Variants in FERMT3 observed in about 807,000 individuals in gnomAD.
FERMT3 encodes the protein FERM domain containing kindlin 3.
Under a neutral mutation model 80.8 loss-of-function variants are expected in FERMT3, and 33 were observed. The observed-to-expected ratio is 0.41, with a 90% CI of 0.31 to 0.55. FERMT3 has a LOEUF of 0.55. Among genes scored for constraint, FERMT3 ranks in the 20% least tolerant of loss-of-function variants. The pLI, the probability that FERMT3 is intolerant of heterozygous loss-of-function variation, is 0.31. For missense variants in FERMT3, 754 were observed against 908.7 expected, an observed-to-expected ratio of 0.83 and a Z score of 2.19; for synonymous variants, 375 against 372.2, an observed-to-expected ratio of 1.01 and a Z score of -0.09.
At position 64,208,108 on chromosome 11, in the gene FERMT3, A is replaced by G. The variant is rs527240687; in HGVS notation, c.160+584A>G. Among the ~76,000 whole-genome samples the G allele has an allele frequency of 5.7e-5, 8 of 139,200 alleles. No homozygotes were observed. The South Asian group carries it at 1.8e-3, about 32-fold the overall frequency. 91.3% of individuals were successfully genotyped at this position (139,200 alleles called of 152,430 possible). A position where few individuals can be genotyped will look rare whatever the true frequency, so the allele number is the denominator to read the frequency against. ...ATAGGCAGAGCCGGAAGACAGGCCC[A>G]CCACAGTCCCGGCCAAGAGCCTGGG... On this transcript the variant is annotated intron_variant, in intron 2 of 14. Transcript: ENST00000345728.
chr11:64,210,977 G>T lies in FERMT3; in HGVS notation c.395-75G>T. ...CACCCTGCCTGCAGGGCTGTGACCC[G>T]CCCCAAGCACCCATGGGTGAGGTGG... is the stretch of plus-strand genomic sequence containing the variant. On this transcript the variant is annotated intron_variant, in intron 3 of 14. Transcript: ENST00000345728. This position sits in a 1 kb window ranked among gnomAD's most constrained non-coding sequence, Gnocchi z 4.3. 2 of 1,606,774 alleles carry T rather than the reference G, an allele frequency of 1.2e-6. No homozygotes were observed.
intron 6 of FERMT3, among the ~76,000 whole-genome samples, chr11:64,214,503 G>A (rs571964062): frequency 1.2e-4 from 18 of 151,182 alleles, no homozygotes; most frequent in Middle Eastern, 3.4e-3. Flanking sequence ...CCACCACCAC[G>A]CCTGGCTAAT....
chr11:64,206,938 G>C (rs1443831976), intron 1 of FERMT3, 124 bp downstream of exon 1: 1 of 165,976 alleles, frequency 6.0e-6, no homozygotes, highest in Non-Finnish European at 1.3e-5. Context: ...GGCTTTGGCT[G>C]GTTTGTGATG....
At position 64,219,300 on chromosome 11, in the gene FERMT3, T is replaced by A; in HGVS notation, c.836T>A (p.Leu279Gln). The part of the protein sequence containing the change: ...TQLYEQARWD[L>Q]LLEEIDCTEE... ...CTGTATGAGCAGGCCCGGTGGGACCTGCTGCTGGAGGAGATTGACTGCACC... is the reference window on the plus strand; with the variant it reads ...CTGTATGAGCAGGCCCGGTGGGACCAGCTGCTGGAGGAGATTGACTGCACC... Residue 279 changes from leucine to glutamine, a missense_variant, in exon 7 of 15, where the codon CTG (leucine) becomes CAG (glutamine). Coordinates refer to ENST00000345728, the MANE Select transcript of FERMT3 (RefSeq NM_031471.6). This position sits in a 1 kb window ranked among gnomAD's most constrained non-coding sequence, Gnocchi z 4.0. The A allele has an allele frequency of 1.2e-6, 2 of 1,609,532 alleles. No individual in the cohort carries two copies. The highest frequency in any genetic ancestry group is 1.7e-6 in the Non-Finnish European group (2 of 1,178,230).
chr11:64,207,389 G>C lies in FERMT3; in HGVS notation c.25G>C (p.Gly9Arg). 6.2e-7 allele frequency: 1 copy of C among 1,614,156 alleles called. No individual in the cohort carries two copies. Among genetic ancestry groups the C allele is most frequent in the Non-Finnish European group, 8.5e-7 (1 of 1,180,020 alleles). ...CATGGCGGGGATGAAGACAGCCTCCGGGGACTACATCGACTCGTCATGGGA... is the reference window on the plus strand; with the variant it reads ...CATGGCGGGGATGAAGACAGCCTCCCGGGACTACATCGACTCGTCATGGGA... MAGMKTAS[G>R]DYIDSSWELR... The change falls in exon 2 of 15, where the codon GGG (glycine) becomes CGG (arginine). Residue 9 changes from glycine to arginine, a missense_variant. Physicochemically the swap from Gly to Arg is moderately radical, Grantham distance 125 (BLOSUM62 -2). Transcript: ENST00000345728.
At position 64,219,863 on chromosome 11, in the gene FERMT3, C is replaced by G; in HGVS notation, c.1080-28C>G. 1 of 1,613,882 alleles carries G rather than the reference C, an allele frequency of 6.2e-7. No individual in the cohort carries two copies. The highest frequency in any genetic ancestry group is 1.7e-5 in the Admixed American group (1 of 60,014). ...ATATGGAGGGAGGGGGTGAGGCGGC[C>G]TTTCACAAACCCCAGCATCCCACGA... On this transcript the variant is annotated intron_variant, in intron 9 of 14. Coordinates refer to ENST00000345728, the MANE Select transcript of FERMT3 (RefSeq NM_031471.6). The surrounding 1 kb of genome is among the most constrained non-coding windows in gnomAD (Gnocchi z 4.0).
At chr11:64,218,880 C>G (rs1946609967) in intron 6 of FERMT3, among the ~76,000 whole-genome samples, 1 of 151,668 alleles carries the variant, frequency 6.6e-6, no homozygotes, top group Non-Finnish European at 1.5e-5. Context: ...CTTGGGGGGG[C>G]CTTAGACTGA....
chr11:64,212,333 C>T (rs536520505), intron 6 of FERMT3, among the ~76,000 whole-genome samples: 3 of 152,354 alleles, frequency 2.0e-5, no homozygotes, highest in African/African-American at 7.2e-5. Flanking sequence ...TACCTGTAGG[C>T]CCCACCTCTC....
Position 64,211,837 on chromosome 11 carries a change from T to C in FERMT3, c.786+90T>C. ...TATGGGCTCTGGGATGTTAGTGACT[T>C]GTAGTGGCCTGTCCGTCTGCCCGTT... On this transcript the variant is annotated intron_variant, in intron 6 of 14. Coordinates refer to ENST00000345728, the MANE Select transcript of FERMT3 (RefSeq NM_031471.6). This position sits in a 1 kb window ranked among gnomAD's most constrained non-coding sequence, Gnocchi z 4.7. 2 of 1,233,032 alleles carry C rather than the reference T, an allele frequency of 1.6e-6. No individual in the cohort carries two copies. The highest frequency in any genetic ancestry group is 1.5e-5 in the African/African-American group (1 of 67,752). The allele number at this position is 1,233,032 out of a possible 1,614,324, so 76.4% of individuals were successfully genotyped here.
In FERMT3 at chr11:64,223,138, C is replaced by G; in HGVS notation, c.1761C>G (p.Thr587=). The change falls in exon 14 of 15, where the codon ACC becomes ACG. Residue 587 remains threonine (T), a synonymous_variant. Transcript: ENST00000345728. ...TGGCCGTGGGCGACGTGGTCAAGAC[C>G]TGGCGTTTCAGCAACATGCGCCAGT... ...IDLAVGDVVK[T]WRFSNMRQWN... 6.2e-7 allele frequency: 1 copy of G among 1,613,962 alleles called. No homozygotes were observed. The highest frequency in any genetic ancestry group is 1.1e-5 in the South Asian group (1 of 91,090).
chr11:64,207,658 C>T (rs1254175347), intron 2 of FERMT3, 134 bp downstream of exon 2: 2 of 1,113,976 alleles, frequency 1.8e-6, no homozygotes, highest in Non-Finnish European at 1.3e-6. Flanking sequence ...TTAGCTTAAT[C>T]ATTTGGTTCC....
rs2134847985 is a variant in FERMT3, at chr11:64,211,717, G to A, written c.756G>A (p.Lys252=). 4 of 1,614,210 alleles carry A rather than the reference G, an allele frequency of 2.5e-6. No individual in the cohort carries two copies. In the Admixed American group the frequency reaches 6.7e-5, roughly 27 times the overall value. The change falls in exon 6 of 15, where the codon AAG becomes AAA. Residue 252 remains lysine (K), a synonymous_variant. Coordinates refer to ENST00000345728, the MANE Select transcript of FERMT3 (RefSeq NM_031471.6). This position sits in a 1 kb window ranked among gnomAD's most constrained non-coding sequence, Gnocchi z 4.7. The part of the protein sequence containing the change: ...KAGDALWLRF[K]YYSFFDLDPK... ...GGGACGCACTCTGGCTGCGCTTCAA[G>A]TACTACAGCTTCTTCGATTTGGATC...
intron 6 of FERMT3, among the ~76,000 whole-genome samples, chr11:64,214,807 T>C (rs913011273): frequency 7.0e-6 from 1 of 143,838 alleles, no homozygotes; most frequent in African/African-American, 2.5e-5. Flanking sequence ...TTTTATAGGG[T>C]TTTTTTTTTT....
rs753418361 is a variant in FERMT3 at position 64,207,457 on chromosome 11, G to A, written c.93G>A (p.Ser31=). The A allele has an allele frequency of 4.5e-5, 73 of 1,613,974 alleles. No homozygotes were observed. Among genetic ancestry groups the A allele is most frequent in the Middle Eastern group, 1.6e-4 (1 of 6,080 alleles). ...GAGAGGAGGACCCAGAGGCCGAGTC[G>A]GTCACCCTGCGGGTCACTGGGGAGT... ...FVGEEDPEAE[S]VTLRVTGESH... Residue 31 remains serine (S), a synonymous_variant, in exon 2 of 15, where the codon TCG becomes TCA. Transcript: ENST00000345728.
chr11:64,208,783 A>T (rs1199473916), intron 2 of FERMT3, among the ~76,000 whole-genome samples: 1 of 152,040 alleles, frequency 6.6e-6, no homozygotes, highest in Non-Finnish European at 1.5e-5. Flanking sequence ...GCTGGTGAGG[A>T]TGCTGGGAGC....
In FERMT3 at chr11:64,223,183, C is replaced by G. The variant is rs1314306445; in HGVS notation, c.1806C>G (p.Ile602Met). ...GCCAGTGGAATGTCAACTGGGACAT[C>G]CGGCAGGTGGGCCCAGACCCAGGGT... Reference protein sequence around the residue: ...NMRQWNVNWDIRQVAIEFDEH... With the variant: ...NMRQWNVNWDMRQVAIEFDEH... Residue 602 changes from isoleucine to methionine, a missense_variant, in exon 14 of 15, where the codon ATC becomes ATG. Physicochemically the swap from Ile to Met is conservative, Grantham distance 10. Coordinates refer to ENST00000345728, the MANE Select transcript of FERMT3 (RefSeq NM_031471.6). 2 of 1,613,696 alleles carry G rather than the reference C, an allele frequency of 1.2e-6. No homozygotes were observed. Among genetic ancestry groups the G allele is most frequent in the East Asian group, 2.2e-5 (1 of 44,894 alleles).
At chr11:64,207,783 T>C in intron 2 of FERMT3, 2 of 448,016 alleles carry the variant, frequency 4.5e-6, no homozygotes, top group Admixed American at 3.7e-5. Flanking sequence ...CAGCCACCAA[T>C]AGGGGCAGAA....
chr11:64,219,544 C>A lies in FERMT3; in HGVS notation c.915C>A (p.Ser305=). 6.2e-7 allele frequency: 1 copy of A among 1,610,048 alleles called. No homozygotes were observed. Among genetic ancestry groups the A allele is most frequent in the Non-Finnish European group, 8.5e-7 (1 of 1,178,956 alleles). The change falls in exon 8 of 15, where the codon TCC becomes TCA. Residue 305 remains serine, a synonymous_variant. Transcript: ENST00000345728. The surrounding 1 kb of genome is among the most constrained non-coding windows in gnomAD (Gnocchi z 4.0). ...AALQYHINKL[S]QSGEVGEPAG... ...CCTAGTACCACATCAACAAGCTGTCCCAGAGCGGGGAGGTGGGGGAGCCGG... is the reference window on the plus strand; with the variant it reads ...CCTAGTACCACATCAACAAGCTGTCACAGAGCGGGGAGGTGGGGGAGCCGG...
At chr11:64,208,148 GGGTGGGGGGTGGGTGAT>G (rs1180590386) in intron 2 of FERMT3, among the ~76,000 whole-genome samples, 1 of 151,886 alleles carries the variant, frequency 6.6e-6, no homozygotes, top group Admixed American at 6.6e-5. Context: ...GGCTGCCAGT[GGGTGGGGGGTGGGTGAT>G]GGTGGGGAGG....
Sources: allele counts gnomAD v4.1 joint callset (sites outside exome capture counted in the v4.1 genomes callset), GRCh38; gene constraint gnomAD v4.1.1; non-coding constraint Gnocchi (gnomAD v3.1); transcripts MANE v1.5; gene names NCBI Gene and HGNC (gene_info 2026-07-23, HGNC 2026-07-21).